Variants in ASB13 observed in about 807,000 individuals in gnomAD.
ASB13 encodes the protein ankyrin repeat and SOCS box containing 13, also known as ankyrin repeat and SOCS box protein 13.
Under a neutral mutation model 28.8 loss-of-function variants are expected in ASB13, and 33 were observed. That is an observed-to-expected ratio of 1.15 (90% CI 0.87 to 1.53). The LOEUF is 1.53. Ranked by LOEUF, ASB13 falls within the 40% of genes most tolerant of loss-of-function variation. The pLI, the probability that ASB13 is intolerant of heterozygous loss-of-function variation, is 0.00. For missense variants in ASB13, 414 were observed against 390.1 expected (o/e 1.06, Z -0.52); for synonymous variants, 182 against 172.9 (o/e 1.05, Z -0.41).
In ASB13 at chr10:5,641,993, C is replaced by G; in HGVS notation, c.518-32G>C. ...GTCAAGAGTGCAGAAGAGATTTCAC[C>G]AAGAAGAGAACTTGAAGTCAGGGGG... On this transcript the variant is annotated intron_variant, in intron 4 of 5. Coordinates refer to ENST00000357700, the MANE Select transcript of ASB13 (RefSeq NM_024701.4). This position sits in a 1 kb window ranked among gnomAD's most constrained non-coding sequence, Gnocchi z 8.4. 2 of 1,582,620 alleles carry G rather than the reference C, an allele frequency of 1.3e-6. No individual in the cohort carries two copies. Among genetic ancestry groups the G allele is most frequent in the East Asian group, 2.3e-5 (1 of 44,078 alleles).
In ASB13 at chr10:5,659,827, C is replaced by G. The variant is rs1262757207; in HGVS notation, c.43+6682G>C. Among the ~76,000 whole-genome samples the G allele has an allele frequency of 6.6e-6, 1 of 152,162 alleles. No homozygotes were observed. The highest frequency in any genetic ancestry group is 1.5e-5 in the Non-Finnish European group (1 of 68,020). On this transcript the variant is annotated intron_variant, in intron 1 of 5. Transcript: ENST00000357700. The surrounding 1 kb of genome is among the most constrained non-coding windows in gnomAD (Gnocchi z 5.8). The stretch of plus-strand genomic sequence containing the variant: ...AGGTATCTGAATGAATAAGCACTCC[C>G]CAGACGCATCTTCCCCTGCCAGACT...
rs913078853 is a variant in ASB13, at chr10:5,658,972, C to G, written c.44-5922G>C. 5.9e-5 allele frequency among the ~76,000 whole-genome samples: 9 copies of G among 152,200 alleles called. 1 individual carries two copies. Among genetic ancestry groups the G allele is most frequent in the African/African-American group, 2.2e-4 (9 of 41,444 alleles). On this transcript the variant is annotated intron_variant, in intron 1 of 5. Coordinates refer to ENST00000357700, the MANE Select transcript of ASB13 (RefSeq NM_024701.4). This position sits in a 1 kb window ranked among gnomAD's most constrained non-coding sequence, Gnocchi z 4.2. ...ATAAACATCAGCCCCCAGCACCCAC[C>G]ACCACAGAGCAATGTGACTCAGCCC...
In ASB13 at chr10:5,656,116, T is replaced by C. The variant is rs1018887097; in HGVS notation, c.44-3066A>G. Among the ~76,000 whole-genome samples the C allele has an allele frequency of 5.3e-5, 8 of 152,092 alleles. No individual in the cohort carries two copies. Among genetic ancestry groups the C allele is most frequent in the African/African-American group, 1.9e-4 (8 of 41,402 alleles). Reference sequence around the variant, plus strand: ...CAGAGGCCGCAGAGCTGCAGCCGGGTCTATCTCAGGCACCGCTTATTCACC... The same window carrying C: ...CAGAGGCCGCAGAGCTGCAGCCGGGCCTATCTCAGGCACCGCTTATTCACC... On this transcript the variant is annotated intron_variant, in intron 1 of 5. Coordinates refer to ENST00000357700, the MANE Select transcript of ASB13 (RefSeq NM_024701.4). This position sits in a 1 kb window ranked among gnomAD's most constrained non-coding sequence, Gnocchi z 4.3.
chr10:5,654,145 CTTTTTTTT>C (rs145949502), intron 1 of ASB13, among the ~76,000 whole-genome samples: 6 of 128,782 alleles, frequency 4.7e-5, no homozygotes, highest in African/African-American at 1.8e-4. Flanking sequence ...TTCTTTTTTT[CTTTTTTTT>C]TTTTTTTGTC....
Position 5,660,372 on chromosome 10 carries a change from C to T in ASB13, c.43+6137G>A, listed in dbSNP as rs1835141012. 2.0e-5 allele frequency among the ~76,000 whole-genome samples: 3 copies of T among 152,150 alleles called. No individual in the cohort carries two copies. Among genetic ancestry groups the T allele is most frequent in the Non-Finnish European group, 4.4e-5 (3 of 68,030 alleles). On this transcript the variant is annotated intron_variant, in intron 1 of 5. Coordinates refer to ENST00000357700, the MANE Select transcript of ASB13 (RefSeq NM_024701.4). The surrounding 1 kb of genome is among the most constrained non-coding windows in gnomAD (Gnocchi z 6.1). The stretch of plus-strand genomic sequence containing the variant: ...CCTCTCTTGCCCCTTTGCTGGGGCC[C>T]CGACACCCTCCCATCTAAGGCTGTG...
intron 1 of ASB13, among the ~76,000 whole-genome samples, chr10:5,657,948 G>C (rs1478080741): frequency 1.3e-5 from 2 of 148,514 alleles, no homozygotes; most frequent in African/African-American, 5.0e-5. Flanking sequence ...AGGAGTTCGA[G>C]ACCAGCATGG....
rs1564223403 is a variant in ASB13, at chr10:5,663,672, T to C, written c.43+2837A>G. ...AGGGCTGCCGAGTCGAGGAGGAGGA[T>C]AGAGGTACTGTTTTGCCCATAAACA... On this transcript the variant is annotated intron_variant, in intron 1 of 5. Transcript: ENST00000357700. This position sits in a 1 kb window ranked among gnomAD's most constrained non-coding sequence, Gnocchi z 4.9. Among the ~76,000 whole-genome samples, 2 of 152,210 alleles carry C rather than the reference T, an allele frequency of 1.3e-5. No homozygotes were observed. The highest frequency in any genetic ancestry group is 2.9e-5 in the Non-Finnish European group (2 of 68,030).
chr10:5,648,408 G>GGGTAAACACCCACTCA (rs1564216859), intron 4 of ASB13, among the ~76,000 whole-genome samples: 5 of 90,696 alleles, frequency 5.5e-5, no homozygotes, highest in African/African-American at 1.7e-4. Flanking sequence ...ACACCCCCTT[G>GGGTAAACACCCACTCA]GGTAAACACC....
chr10:5,641,780 C>G lies in ASB13; in HGVS notation c.699G>C (p.Glu233Asp), dbSNP rs778317539. The G allele has an allele frequency of 5.0e-6, 8 of 1,593,846 alleles. No individual in the cohort carries two copies. In the East Asian group the frequency reaches 1.6e-4, roughly 31 times the overall value. ...GGTGGGGTGTCTCACTTTCGTAGTA[C>G]TCGAAGCACTTGGCGGGAGCGCTGC... ...WSSSAPAKCF[E>D]YYEKTPLTLS... Residue 233 changes from glutamate (E) to aspartate (D), a missense_variant, in exon 5 of 6, where the codon GAG becomes GAC. Coordinates refer to ENST00000357700, the MANE Select transcript of ASB13 (RefSeq NM_024701.4). The surrounding 1 kb of genome is among the most constrained non-coding windows in gnomAD (Gnocchi z 8.4).
rs2131460257 is a variant in ASB13 at position 5,663,663 on chromosome 10, G to C, written c.43+2846C>G. On this transcript the variant is annotated intron_variant, in intron 1 of 5. Coordinates refer to ENST00000357700, the MANE Select transcript of ASB13 (RefSeq NM_024701.4). This position sits in a 1 kb window ranked among gnomAD's most constrained non-coding sequence, Gnocchi z 4.9. ...ATGTCTCCCAGGGCTGCCGAGTCGA[G>C]GAGGAGGATAGAGGTACTGTTTTGC... Among the ~76,000 whole-genome samples the C allele has an allele frequency of 6.6e-6, 1 of 152,318 alleles. No individual in the cohort carries two copies. The highest frequency in any genetic ancestry group is 6.5e-5 in the Admixed American group (1 of 15,298).
chr10:5,644,278 G>T lies in ASB13; in HGVS notation c.518-2317C>A, dbSNP rs1834850118. 6.6e-6 allele frequency among the ~76,000 whole-genome samples: 1 copy of T among 152,146 alleles called. No homozygotes were observed. Among genetic ancestry groups the T allele is most frequent in the Non-Finnish European group, 1.5e-5 (1 of 68,032 alleles). On this transcript the variant is annotated intron_variant, in intron 4 of 5. Coordinates refer to ENST00000357700, the MANE Select transcript of ASB13 (RefSeq NM_024701.4). This position sits in a 1 kb window ranked among gnomAD's most constrained non-coding sequence, Gnocchi z 5.1. ...GGAATTCGAGGCGAGCGGATCTCTT[G>T]GGCCCAGGAAATCGAGACCAGCCTG... is the stretch of plus-strand genomic sequence containing the variant.
Position 5,661,318 on chromosome 10 carries a change from C to A in ASB13, c.43+5191G>T, listed in dbSNP as rs989177538. Among the ~76,000 whole-genome samples the A allele has an allele frequency of 6.6e-6, 1 of 152,182 alleles. No individual in the cohort carries two copies. Among genetic ancestry groups the A allele is most frequent in the African/African-American group, 2.4e-5 (1 of 41,436 alleles). On this transcript the variant is annotated intron_variant, in intron 1 of 5. Transcript: ENST00000357700. This position sits in a 1 kb window ranked among gnomAD's most constrained non-coding sequence, Gnocchi z 4.9. ...ACCATAAAAGCAGCAGAGCCACTTGCCCCCAACCCCGCCCCGCCGAGCCTG... is the reference window on the plus strand; with the variant it reads ...ACCATAAAAGCAGCAGAGCCACTTGACCCCAACCCCGCCCCGCCGAGCCTG...
Position 5,644,414 on chromosome 10 carries a change from T to G in ASB13, c.518-2453A>C, listed in dbSNP as rs1241778193. Among the ~76,000 whole-genome samples the G allele has an allele frequency of 6.6e-6, 1 of 152,140 alleles. No homozygotes were observed. Among genetic ancestry groups the G allele is most frequent in the East Asian group, 1.9e-4 (1 of 5,198 alleles). On this transcript the variant is annotated intron_variant, in intron 4 of 5. Coordinates refer to ENST00000357700, the MANE Select transcript of ASB13 (RefSeq NM_024701.4). This position sits in a 1 kb window ranked among gnomAD's most constrained non-coding sequence, Gnocchi z 5.1. ...TGGAGGCTGAGGTAGGAGGATCACT[T>G]GAGCCCGGGAGGTTGAGGCTGCAGC...
Position 5,651,941 on chromosome 10 carries a change from G to A in ASB13, c.232-578C>T, listed in dbSNP as rs748252712. On this transcript the variant is annotated intron_variant, in intron 2 of 5. Coordinates refer to ENST00000357700, the MANE Select transcript of ASB13 (RefSeq NM_024701.4). This position sits in a 1 kb window ranked among gnomAD's most constrained non-coding sequence, Gnocchi z 5.1. Reference sequence around the variant, plus strand: ...CACTTGAGTCAAGGAGGATGAGGTTGCAGTGAGCTATGATCACGCCACTGC... The same window carrying A: ...CACTTGAGTCAAGGAGGATGAGGTTACAGTGAGCTATGATCACGCCACTGC... Among the ~76,000 whole-genome samples the A allele has an allele frequency of 4.1e-5, 6 of 146,630 alleles. No individual in the cohort carries two copies. Among genetic ancestry groups the A allele is most frequent in the Non-Finnish European group, 7.5e-5 (5 of 67,056 alleles).
Position 5,655,884 on chromosome 10 carries a change from G to C in ASB13, c.44-2834C>G, listed in dbSNP as rs141600165. 1.3e-5 allele frequency among the ~76,000 whole-genome samples: 2 copies of C among 152,296 alleles called. No individual in the cohort carries two copies. Among genetic ancestry groups the C allele is most frequent in the East Asian group, 3.9e-4 (2 of 5,184 alleles). On this transcript the variant is annotated intron_variant, in intron 1 of 5. Coordinates refer to ENST00000357700, the MANE Select transcript of ASB13 (RefSeq NM_024701.4). This position sits in a 1 kb window ranked among gnomAD's most constrained non-coding sequence, Gnocchi z 6.2. ...TGAGCCGGGAAGGCGCGTTCCCGAC[G>C]TGCCTCCATTCACAAGACGTCCAGG...
chr10:5,643,245 C>T (rs1309696893), intron 4 of ASB13, among the ~76,000 whole-genome samples: 2 of 152,138 alleles, frequency 1.3e-5, no homozygotes, highest in Non-Finnish European at 2.9e-5. Flanking sequence ...CATCACTTCC[C>T]GACAGTCTCA....
At chr10:5,662,003 G>A (rs530418756) in intron 1 of ASB13, among the ~76,000 whole-genome samples, 3 of 152,178 alleles carry the variant, frequency 2.0e-5, no homozygotes, top group African/African-American at 7.2e-5. Context: ...CCATAAAGCC[G>A]GGCTGGGGCG....
At position 5,664,660 on chromosome 10, in the gene ASB13, ATTTC is replaced by A. The variant is rs926116178; in HGVS notation, c.43+1845_43+1848del. On this transcript the variant is annotated intron_variant, in intron 1 of 5. Coordinates refer to ENST00000357700, the MANE Select transcript of ASB13 (RefSeq NM_024701.4). This position sits in a 1 kb window ranked among gnomAD's most constrained non-coding sequence, Gnocchi z 4.2. ...GAAGGACGTCCATAGGGAATGCAGA[ATTTC>A]TTTATTTCTTTATTTATTTATTTTA... Among the ~76,000 whole-genome samples the A allele has an allele frequency of 1.2e-4, 19 of 152,018 alleles. No homozygotes were observed. The highest frequency in any genetic ancestry group is 4.6e-4 in the African/African-American group (19 of 41,386).
At position 5,649,396 on chromosome 10, in the gene ASB13, G is replaced by A. The variant is rs1564217582; in HGVS notation, c.383-292C>T. 6.6e-6 allele frequency among the ~76,000 whole-genome samples: 1 copy of A among 152,166 alleles called. No individual in the cohort carries two copies. The highest frequency in any genetic ancestry group is 1.5e-5 in the Non-Finnish European group (1 of 68,014). The stretch of plus-strand genomic sequence containing the variant: ...TGGGGCACCACCTAGAATGGGTCAG[G>A]GAAAACTCCCCCGCTGCCCCCCTGC... On this transcript the variant is annotated intron_variant, in intron 3 of 5. Coordinates refer to ENST00000357700, the MANE Select transcript of ASB13 (RefSeq NM_024701.4). The surrounding 1 kb of genome is among the most constrained non-coding windows in gnomAD (Gnocchi z 6.4).
Sources: allele counts gnomAD v4.1 joint callset (sites outside exome capture counted in the v4.1 genomes callset), GRCh38; gene constraint gnomAD v4.1.1; non-coding constraint Gnocchi (gnomAD v3.1); transcripts MANE v1.5; gene names NCBI Gene and HGNC (gene_info 2026-07-23, HGNC 2026-07-21).